The following ATP10B variants were observed in gnomAD, a reference collection of about 807,000 sequenced individuals.
The protein encoded by ATP10B is phospholipid-transporting ATPase VB.
A neutral mutation model predicts 141.2 loss-of-function variants in ATP10B; 122 were observed. The observed-to-expected ratio is 0.86, with a 90% CI of 0.75 to 1.00. The LOEUF (loss-of-function observed/expected upper bound fraction) is 1.00, where lower values mean the gene tolerates loss of function less well. Among genes scored for constraint, ATP10B ranks in the 50% least tolerant of loss-of-function variants. ATP10B has a pLI of 0.00. For synonymous variants in ATP10B, 685 were observed against 692.0 expected, an observed-to-expected ratio of 0.99 and a Z score of 0.16; for missense variants, 1,876 against 1,825.3, an observed-to-expected ratio of 1.03 and a Z score of -0.51.
At chr5:160,862,206 T>G in the ATP10B span, among the ~76,000 whole-genome samples, 3 of 152,002 alleles carry the variant, frequency 2.0e-5, no homozygotes, top group Admixed American at 2.0e-4. Flanking sequence ...GAAGGCGTTT[T>G]GTAGGTCTAA....
intron 7 of ATP10B, among the ~76,000 whole-genome samples, chr5:160,652,959 A>ATTT (rs1760975946): frequency 1.4e-4 from 12 of 85,940 alleles, no homozygotes; most frequent in Non-Finnish European, 2.3e-4. Flanking sequence ...TATATTATAT[A>ATTT]TACATGTATA....
intron 22 of ATP10B, among the ~76,000 whole-genome samples, chr5:160,598,288 C>G (rs1183139828): frequency 6.6e-6 from 1 of 151,512 alleles, no homozygotes. Context: ...ATTGCAAGGA[C>G]AAAAAACCAA....
At chr5:160,574,158 G>A (rs906939427) in intron 24 of ATP10B, among the ~76,000 whole-genome samples, 8 of 152,158 alleles carry the variant, frequency 5.3e-5, no homozygotes, top group South Asian at 2.1e-4. Flanking sequence ...GGCTGGGTGC[G>A]GTGGCTCACG....
At chr5:160,770,446 T>G (rs914731960) in intron 2 of ATP10B, among the ~76,000 whole-genome samples, 1 of 152,216 alleles carries the variant, frequency 6.6e-6, no homozygotes, top group Non-Finnish European at 1.5e-5. Flanking sequence ...ACATTTTTTT[T>G]CCTTTTCCTT....
chr5:160,905,790 A>G, the ATP10B span, among the ~76,000 whole-genome samples: 1 of 152,196 alleles, frequency 6.6e-6, no homozygotes, highest in African/African-American at 2.4e-5. Flanking sequence ...AATGCTGGCT[A>G]TTAAATGCAT....
intron 1 of ATP10B, among the ~76,000 whole-genome samples, chr5:160,798,219 C>A (rs1772100857): frequency 6.6e-6 from 1 of 152,118 alleles, no homozygotes; most frequent in South Asian, 2.1e-4. Flanking sequence ...GGGGACTCCA[C>A]TGTGGCTAGA....
chr5:160,762,591 C>T (rs1581483631), intron 2 of ATP10B, among the ~76,000 whole-genome samples: 1 of 151,918 alleles, frequency 6.6e-6, no homozygotes, highest in Admixed American at 6.6e-5. Flanking sequence ...CCTCAAAATA[C>T]ACCAAAATGA....
rs140341970 is a variant in ATP10B, at chr5:160,565,864, C to A, written c.3975G>T (p.Lys1325Asn). The change falls in exon 26 of 26, where the codon AAG (lysine) becomes AAT (asparagine). Residue 1325 changes from lysine to asparagine, a missense_variant. Lys to Asn is a moderately conservative substitution (Grantham distance 94). Coordinates refer to ENST00000327245, the MANE Select transcript of ATP10B (RefSeq NM_025153.3). The stretch of plus-strand genomic sequence containing the variant: ...TTTTCTGAGCTTTTGAGATTAGAGA[C>A]TTCCCACAAGTTCCTTGCAGAGACA... The part of the protein sequence containing the change: ...FFLSLQGTCG[K>N]SLISKAQKID... 1.2e-6 allele frequency: 2 copies of A among 1,613,514 alleles called. No homozygotes were observed. Among genetic ancestry groups the A allele is most frequent in the Non-Finnish European group, 1.7e-6 (2 of 1,179,830 alleles).
intron 2 of ATP10B, among the ~76,000 whole-genome samples, chr5:160,782,369 A>T (rs1051458075): frequency 7.9e-5 from 12 of 151,142 alleles, no homozygotes; most frequent in Non-Finnish European, 1.3e-4. Flanking sequence ...TTCTGTAACA[A>T]CTCGGTGTAA....
At chr5:160,912,620 AAGAAG>A in the ATP10B span, among the ~76,000 whole-genome samples, 8 of 151,650 alleles carry the variant, frequency 5.3e-5, no homozygotes, top group East Asian at 1.5e-3. Flanking sequence ...GAGAAAAGAA[AAGAAG>A]AGAAAAGAAA....
In ATP10B at chr5:160,565,502, C is replaced by A. The variant is rs1754475644; in HGVS notation, c.4337G>T (p.Cys1446Phe). 3 of 1,614,022 alleles carry A rather than the reference C, an allele frequency of 1.9e-6. No homozygotes were observed. The highest frequency in any genetic ancestry group is 2.5e-6 in the Non-Finnish European group (3 of 1,179,992). ...YSRGQTDMCR[C>F]SKRSSHRRSQ... is the part of the protein sequence containing the mutation. Reference sequence around the variant, plus strand: ...TCGGCGATGGCTGCTCCTCTTTGAGCACCGGCACATATCAGTCTGTCCTCT... The same window carrying A: ...TCGGCGATGGCTGCTCCTCTTTGAGAACCGGCACATATCAGTCTGTCCTCT... The change falls in exon 26 of 26, where the codon TGC becomes TTC. Residue 1446 changes from cysteine to phenylalanine, a missense_variant. Cys to Phe is a radical substitution (Grantham distance 205, BLOSUM62 -2). Coordinates refer to ENST00000327245, the MANE Select transcript of ATP10B (RefSeq NM_025153.3).
chr5:160,858,428 T>C, the ATP10B span, among the ~76,000 whole-genome samples: 1 of 151,998 alleles, frequency 6.6e-6, no homozygotes. Context: ...CTATCTTTTT[T>C]TTAAAATAAA....
chr5:160,716,577 A>C (rs1209469269), intron 3 of ATP10B, among the ~76,000 whole-genome samples: 1 of 152,244 alleles, frequency 6.6e-6, no homozygotes, highest in Non-Finnish European at 1.5e-5. Flanking sequence ...TTGAGCAAAA[A>C]GTTCCACTGG....
chr5:160,744,921 C>A (rs1767702806), intron 2 of ATP10B, among the ~76,000 whole-genome samples: 1 of 152,186 alleles, frequency 6.6e-6, no homozygotes. Flanking sequence ...TGTGGTGTAC[C>A]AGGGTGAGGA....
chr5:160,725,109 A>T (rs959569981), intron 2 of ATP10B, among the ~76,000 whole-genome samples: 2 of 152,232 alleles, frequency 1.3e-5, no homozygotes, highest in African/African-American at 4.8e-5. Context: ...GACTTAATAA[A>T]AAAGTTTAAG....
At chr5:160,783,790 G>C (rs537394675) in intron 2 of ATP10B, among the ~76,000 whole-genome samples, 2 of 152,084 alleles carry the variant, frequency 1.3e-5, no homozygotes, top group South Asian at 4.1e-4. Flanking sequence ...TCTACTTTTA[G>C]TTCTTTAAGG....
At chr5:160,825,242 T>C (rs2127968358) in intron 1 of ATP10B, among the ~76,000 whole-genome samples, 1 of 152,316 alleles carries the variant, frequency 6.6e-6, no homozygotes, top group Non-Finnish European at 1.5e-5. Context: ...GTGATATGGT[T>C]TGGCTGTGTG....
chr5:160,571,892 T>C (rs1018958274), intron 24 of ATP10B, among the ~76,000 whole-genome samples: 1 of 152,188 alleles, frequency 6.6e-6, no homozygotes, highest in Non-Finnish European at 1.5e-5. Context: ...AAAAAAATCT[T>C]TGCAGTCCCA....
chr5:160,837,615 A>G (rs1025538810), intron 1 of ATP10B, among the ~76,000 whole-genome samples: 1 of 77,552 alleles, frequency 1.3e-5, no homozygotes, highest in Non-Finnish European at 3.1e-5. Context: ...AGTCATTAAA[A>G]TATCATTTGT....
Sources: allele counts gnomAD v4.1 joint callset (sites outside exome capture counted in the v4.1 genomes callset), GRCh38; gene constraint gnomAD v4.1.1; transcripts MANE v1.5; gene names NCBI Gene and HGNC (gene_info 2026-07-23, HGNC 2026-07-21).